Variants in EFCAB5 observed in about 807,000 individuals in gnomAD.
EFCAB5 encodes the protein EF-hand calcium binding domain 5.
In EFCAB5, 131 loss-of-function variants were observed where a neutral mutation model predicts 167.9. That is an observed-to-expected ratio of 0.78 (90% CI 0.68 to 0.90). EFCAB5 has a LOEUF of 0.90. Among genes scored for constraint, EFCAB5 ranks in the 40% least tolerant of loss-of-function variants. The pLI is 0.00. For synonymous variants in EFCAB5, 574 were observed against 602.8 expected, an observed-to-expected ratio of 0.95 and a Z score of 0.70; for missense variants, 1,663 against 1,745.2, an observed-to-expected ratio of 0.95 and a Z score of 0.84.
chr17:29,964,542 C>T (rs180851296), intron 3 of EFCAB5, among the ~76,000 whole-genome samples: 15 of 152,318 alleles, frequency 9.8e-5, no homozygotes, highest in Non-Finnish European at 1.2e-4. Context: ...ATCTGCCTGC[C>T]TTGGCCTCCC....
intron 11 of EFCAB5, 34 bp from the exon 12 acceptor site, chr17:30,056,017 GTGAAAGCGAAGTT>G: frequency 6.2e-7 from 1 of 1,613,036 alleles, no homozygotes; most frequent in East Asian, 2.2e-5. Flanking sequence ...CAAAAATATT[GTGAAAGCGAAGTT>G]TGATTGGCTA....
intron 4 of EFCAB5, among the ~76,000 whole-genome samples, chr17:29,978,615 C>T (rs1354172475): frequency 6.6e-6 from 1 of 152,156 alleles, no homozygotes; most frequent in Admixed American, 6.6e-5. Context: ...TAGAATGTTC[C>T]TAATGTTAGA....
chr17:30,088,800 A>T (rs2071138381), intron 19 of EFCAB5, among the ~76,000 whole-genome samples: 1 of 152,172 alleles, frequency 6.6e-6, no homozygotes, highest in Non-Finnish European at 1.5e-5. Context: ...TACATATGTC[A>T]ATTAAATTTT....
At chr17:30,059,995 A>G (rs897020492) in intron 14 of EFCAB5, 18 of 177,450 alleles carry the variant, frequency 1.0e-4, no homozygotes, top group Admixed American at 1.2e-4. Context: ...CTCTGGCTAT[A>G]ATCTTTTAAG....
Position 30,080,804 on chromosome 17 carries a change from C to G in EFCAB5, c.3249C>G (p.Tyr1083Ter). Residue 1083 changes from tyrosine (Y) to a stop codon, truncating the protein, a stop_gained, in exon 17 of 23, where the codon TAC becomes TAG. Transcript: ENST00000394835. LOFTEE classifies it high-confidence loss of function. ...GKPIHVPQVQYHGNIFFWNQS... is the reference protein window; with the variant it reads ...GKPIHVPQVQ ...CAATCCATGTTCCCCAAGTTCAGTA[C>G]CATGGGAACATCTTCTTCTGGAACC... 6.2e-7 allele frequency: 1 copy of G among 1,612,706 alleles called. No homozygotes were observed. The highest frequency in any genetic ancestry group is 8.5e-7 in the Non-Finnish European group (1 of 1,179,428).
chr17:29,949,578 G>A (rs996314031), intron 3 of EFCAB5, among the ~76,000 whole-genome samples: 3 of 152,226 alleles, frequency 2.0e-5, no homozygotes, highest in Non-Finnish European at 4.4e-5. Flanking sequence ...AAAAAATCCA[G>A]TACATCTTTG....
At chr17:29,994,588 A>G (rs2068504826) in intron 5 of EFCAB5, among the ~76,000 whole-genome samples, 1 of 152,194 alleles carries the variant, frequency 6.6e-6, no homozygotes, top group Admixed American at 6.5e-5. Context: ...ATTAAAAGAT[A>G]ATAAAAATAT....
intron 7 of EFCAB5, among the ~76,000 whole-genome samples, chr17:30,015,336 T>C (rs1285171820): frequency 6.6e-6 from 1 of 152,222 alleles, no homozygotes; most frequent in Non-Finnish European, 1.5e-5. Context: ...TGAATTTGAA[T>C]GTTGGCCTGC....
intron 7 of EFCAB5, among the ~76,000 whole-genome samples, chr17:30,019,736 G>A (rs1422244099): frequency 2.0e-5 from 3 of 152,074 alleles, no homozygotes; most frequent in African/African-American, 4.8e-5. Flanking sequence ...GTGAGCCACC[G>A]TGCCCAGCCC....
At chr17:30,022,376 G>C (rs1263505062) in intron 7 of EFCAB5, among the ~76,000 whole-genome samples, 1 of 152,060 alleles carries the variant, frequency 6.6e-6, no homozygotes, top group Non-Finnish European at 1.5e-5. Context: ...GAGAAGGAGA[G>C]GATCAAAATA....
chr17:30,087,155 A>C lies in EFCAB5; in HGVS notation c.3672A>C (p.Ser1224=), dbSNP rs1336648320. The change falls in exon 19 of 23, where the codon TCA becomes TCC. Residue 1224 remains serine (S), a synonymous_variant. Transcript: ENST00000394835. The stretch of plus-strand genomic sequence containing the variant: ...ATCCTCCTACCATCCACAGGAAGTC[A>C]TGCATCTTCAGGTTAGAGACATGTC... The part of the protein sequence containing the change: ...HKNPPTIHRK[S]CIFRDFLFKC... 4 of 1,613,642 alleles carry C rather than the reference A, an allele frequency of 2.5e-6. No homozygotes were observed. Among genetic ancestry groups the C allele is most frequent in the Non-Finnish European group, 3.4e-6 (4 of 1,179,648 alleles).
rs769235388 is a variant in EFCAB5, at chr17:30,053,493, T to C, written c.1539T>C (p.Thr513=). The C allele has an allele frequency of 5.6e-6, 9 of 1,613,804 alleles. No individual in the cohort carries two copies. The highest frequency in any genetic ancestry group is 7.6e-6 in the Non-Finnish European group (9 of 1,179,894). ...CGCCAGAACAGCAGAGAGGAGTAAC[T>C]GCAGAACAAGGACCACAAAGAATTT... ...PNPPEQQRGV[T]AEQGPQRISI... is the part of the protein sequence containing the mutation. Residue 513 remains threonine, a synonymous_variant, in exon 10 of 23, where the codon ACT becomes ACC. Coordinates refer to ENST00000394835, the MANE Select transcript of EFCAB5 (RefSeq NM_198529.4).
chr17:30,007,721 C>T (rs780762164), intron 7 of EFCAB5, among the ~76,000 whole-genome samples: 1 of 152,122 alleles, frequency 6.6e-6, no homozygotes, highest in Non-Finnish European at 1.5e-5. Context: ...GAGTGGTGAC[C>T]CACACCTGTT....
intron 5 of EFCAB5, among the ~76,000 whole-genome samples, chr17:29,993,650 T>C (rs1407778971): frequency 6.6e-6 from 1 of 152,188 alleles, no homozygotes; most frequent in African/African-American, 2.4e-5. Flanking sequence ...TGCAAGACTA[T>C]CTCTTAGCTC....
At chr17:30,038,528 A>G (rs1330400278) in intron 8 of EFCAB5, among the ~76,000 whole-genome samples, 1 of 152,224 alleles carries the variant, frequency 6.6e-6, no homozygotes, top group Non-Finnish European at 1.5e-5. Flanking sequence ...CATTCCTAAT[A>G]ACACAATATC....
At chr17:30,012,051 A>G (rs1284745064) in intron 7 of EFCAB5, among the ~76,000 whole-genome samples, 2 of 152,202 alleles carry the variant, frequency 1.3e-5, no homozygotes, top group Admixed American at 1.3e-4. Context: ...CCAGAAGACA[A>G]GAGTGCGAGC....
chr17:29,967,554 C>A (rs989568897), intron 3 of EFCAB5, among the ~76,000 whole-genome samples: 1 of 152,166 alleles, frequency 6.6e-6, no homozygotes, highest in East Asian at 1.9e-4. Context: ...TCTTTTTAGT[C>A]CTATAGTTTC....
chr17:29,979,224 C>T (rs1254581364), intron 4 of EFCAB5, among the ~76,000 whole-genome samples: 1 of 152,028 alleles, frequency 6.6e-6, no homozygotes, highest in African/African-American at 2.4e-5. Flanking sequence ...GTGGCACACA[C>T]CTGTAGTCCC....
rs149597351 is a variant in EFCAB5 at position 29,976,119 on chromosome 17, T to C, written c.767+6752T>C. On this transcript the variant is annotated intron_variant, in intron 4 of 22. Coordinates refer to ENST00000394835, the MANE Select transcript of EFCAB5 (RefSeq NM_198529.4). ...ACTTACAATCTGTGAACTGATTTTGTCTGTAAACAAATATATTGACAAACA... is the reference window on the plus strand; with the variant it reads ...ACTTACAATCTGTGAACTGATTTTGCCTGTAAACAAATATATTGACAAACA... Among the ~76,000 whole-genome samples the C allele has an allele frequency of 3.3e-3, 508 of 152,326 alleles. 1 individual carries two copies. The highest frequency in any genetic ancestry group is 0.012 in the African/African-American group (496 of 41,574).
Sources: gnomAD v4.1 joint callset for allele counts (sites outside exome capture counted in the v4.1 genomes callset) on GRCh38, gnomAD v4.1.1 for gene constraint, MANE v1.5 for transcripts, NCBI Gene and HGNC (gene_info 2026-07-23, HGNC 2026-07-21) for gene names.